Variants in SP3 observed in about 807,000 individuals in gnomAD.
SP3 encodes the protein transcription factor Sp3.
In SP3, 10 loss-of-function variants were observed where a neutral mutation model predicts 70.3. That is an observed-to-expected ratio of 0.14 (90% CI 0.09 to 0.24). The LOEUF (loss-of-function observed/expected upper bound fraction) is 0.24. Among genes scored for constraint, SP3 ranks in the 10% least tolerant of loss-of-function variants. SP3 has a pLI of 1.00. For missense variants in SP3, 825 were observed against 914.6 expected (o/e 0.90, Z 1.26); for synonymous variants, 402 against 333.5 (o/e 1.21, Z -2.24).
chr2:173,906,062 C>T lies in SP3; in HGVS notation c.*3879G>A, dbSNP rs183807402. Reference sequence around the variant, plus strand: ...TTTCTGGGGAGAAGGTGTAGGATTCCAAAAAGACTAGGAATCACTGACAAA... The same window carrying T: ...TTTCTGGGGAGAAGGTGTAGGATTCTAAAAAGACTAGGAATCACTGACAAA... On this transcript the variant is annotated 3_prime_UTR_variant, in exon 7 of 7. Transcript: ENST00000310015. Among the ~76,000 whole-genome samples the T allele has an allele frequency of 1.3e-5, 2 of 152,170 alleles. No homozygotes were observed. The highest frequency in any genetic ancestry group is 2.1e-4 in the South Asian group (1 of 4,816).
chr2:173,932,895 G>C (rs1690105449), intron 4 of SP3, among the ~76,000 whole-genome samples: 4 of 152,136 alleles, frequency 2.6e-5, no homozygotes, highest in Admixed American at 6.5e-5. Flanking sequence ...GGGAGGCTGA[G>C]GCAGGAGAAT....
chr2:173,920,284 G>T (rs1232752125), intron 4 of SP3, among the ~76,000 whole-genome samples: 1 of 152,076 alleles, frequency 6.6e-6, no homozygotes, highest in Non-Finnish European at 1.5e-5. Context: ...AGGGAGGGAT[G>T]AATAGGCACA....
At chr2:173,912,542 C>T (rs1220885098) in intron 6 of SP3, among the ~76,000 whole-genome samples, 1 of 152,200 alleles carries the variant, frequency 6.6e-6, no homozygotes, top group East Asian at 1.9e-4. Flanking sequence ...AGGTCCATTT[C>T]ATTTAACAAC....
At chr2:173,958,562 T>C (rs1690965759) in intron 3 of SP3, among the ~76,000 whole-genome samples, 1 of 149,414 alleles carries the variant, frequency 6.7e-6, no homozygotes, top group African/African-American at 2.5e-5. Flanking sequence ...TTAAAATACC[T>C]GTGAAGCACA....
intron 4 of SP3, among the ~76,000 whole-genome samples, chr2:173,928,161 A>G (rs969998582): frequency 6.6e-6 from 1 of 152,230 alleles, no homozygotes; most frequent in Non-Finnish European, 1.5e-5. Flanking sequence ...GTATATAAAC[A>G]TTAAATAAAT....
In SP3 at chr2:173,910,265, G is replaced by GA. The variant is rs750583077; in HGVS notation, c.2030-9dup. The GA allele has an allele frequency of 1.7e-5, 28 of 1,608,730 alleles. No homozygotes were observed. The highest frequency in any genetic ancestry group is 1.7e-4 in the Middle Eastern group (1 of 6,044). ...AAACAAATTTCTTCTCACCTGTTAA[G>GA]AAAAAAATTAAGTTACTTGGTTTTA... On this transcript the variant is annotated splice_polypyrimidine_tract_variant and intron_variant, in intron 6 of 6. Coordinates refer to ENST00000310015, the MANE Select transcript of SP3 (RefSeq NM_003111.5).
At chr2:173,958,110 G>A (rs1043038371) in intron 3 of SP3, among the ~76,000 whole-genome samples, 1 of 151,886 alleles carries the variant, frequency 6.6e-6, no homozygotes, top group Non-Finnish European at 1.5e-5. Flanking sequence ...CTCACCTGGA[G>A]GATCCACTGA....
chr2:173,923,754 CAAAT>C (rs916116826), intron 4 of SP3, among the ~76,000 whole-genome samples: 1 of 149,576 alleles, frequency 6.7e-6, no homozygotes, highest in African/African-American at 2.5e-5. Context: ...GATTCTAAAT[CAAAT>C]TTGATTTAGA....
chr2:173,941,300 AC>A (rs1245633115), intron 4 of SP3, among the ~76,000 whole-genome samples: 3 of 152,090 alleles, frequency 2.0e-5, no homozygotes, highest in Non-Finnish European at 4.4e-5. Context: ...CATCTTATGT[AC>A]CCTCCACAAT....
upstream of SP3, chr2:173,965,434 G>T: frequency 1.9e-6 from 1 of 519,926 alleles, no homozygotes. Context: ...CTCTTTGTCG[G>T]CTGTGCTCAT....
At chr2:173,933,325 A>C (rs1690118809) in intron 4 of SP3, among the ~76,000 whole-genome samples, 3 of 152,162 alleles carry the variant, frequency 2.0e-5, no homozygotes, top group African/African-American at 7.2e-5. Context: ...AATTCAGTCT[A>C]GCCACATTTC....
At chr2:173,921,154 G>A (rs552853961) in intron 4 of SP3, among the ~76,000 whole-genome samples, 70 of 152,116 alleles carry the variant, frequency 4.6e-4, no homozygotes, top group African/African-American at 1.2e-3. Context: ...ATATTTTAAC[G>A]TAATTTATAG....
At position 173,964,416 on chromosome 2, in the gene SP3, C is replaced by A; in HGVS notation, c.145G>T (p.Ala49Ser). ...CAGCCGCTCCTCACCTGGGCCGCCGCTGCCGCCGCCACCGCACCGTTTCCG... is the reference window on the plus strand; with the variant it reads ...CAGCCGCTCCTCACCTGGGCCGCCGATGCCGCCGCCACCGCACCGTTTCCG... ...QHGNGAVAAAAAAQDTQPSPL... is the reference protein window; with the variant it reads ...QHGNGAVAAASAAQDTQPSPL... The change falls in exon 2 of 7, where the codon GCG (alanine) becomes TCG (serine). Residue 49 changes from alanine to serine, a missense_variant. This residue lies in a region of SP3 where 678 missense variants were observed against 651.6 expected (regional missense o/e 1.04). Transcript: ENST00000310015. 1 of 726,562 alleles carries A rather than the reference C, an allele frequency of 1.4e-6. No individual in the cohort carries two copies. The highest frequency in any genetic ancestry group is 1.8e-5 in the Admixed American group (1 of 54,472). 45.0% of individuals were successfully genotyped at this position (726,562 alleles called of 1,614,324 possible).
intron 4 of SP3, 107 bp downstream of exon 4, chr2:173,954,766 C>T: frequency 1.1e-6 from 1 of 932,996 alleles, no homozygotes. Flanking sequence ...AAACATTGAT[C>T]ATTAATTCTA....
In SP3 at chr2:173,965,255, C is replaced by G; in HGVS notation, c.-84G>C. ...AAGGCGGCGGCGGCGGGAGAGGATGCGGGAAGCGGCGGCGGACACGGCCGG... is the reference window on the plus strand; with the variant it reads ...AAGGCGGCGGCGGCGGGAGAGGATGGGGGAAGCGGCGGCGGACACGGCCGG... On this transcript the variant is annotated 5_prime_UTR_variant, in exon 1 of 7. Transcript: ENST00000310015. 2 of 1,461,916 alleles carry G rather than the reference C, an allele frequency of 1.4e-6. No homozygotes were observed. The highest frequency in any genetic ancestry group is 1.9e-6 in the Non-Finnish European group (2 of 1,072,334). 90.6% of individuals were successfully genotyped at this position (1,461,916 alleles called of 1,614,324 possible).
At chr2:173,929,398 G>C (rs946098342) in intron 4 of SP3, among the ~76,000 whole-genome samples, 2 of 152,166 alleles carry the variant, frequency 1.3e-5, no homozygotes, top group African/African-American at 2.4e-5. Flanking sequence ...TCAAAGGACA[G>C]GATCTGCGCT....
In SP3 at chr2:173,964,494, C is replaced by CGCCGCCGCT. The variant is rs746562009; in HGVS notation, c.58_66dup (p.Ser20_Gly22dup). ...CCGTGGCCGCCGCCGCCGCCACCGC[C>CGCCGCCGCT]GCCGCCGCTATCCACGTCCAAGGCA... On this transcript the variant is annotated inframe_insertion, in exon 2 of 7. Coordinates refer to ENST00000310015, the MANE Select transcript of SP3 (RefSeq NM_003111.5). The CGCCGCCGCT allele has an allele frequency of 2.6e-5, 18 of 702,684 alleles. No individual in the cohort carries two copies. The highest frequency in any genetic ancestry group is 1.3e-4 in the African/African-American group (7 of 54,618). The allele number at this position is 702,684 out of a possible 1,614,324, so 43.5% of individuals were successfully genotyped here. A position where few individuals can be genotyped will look rare whatever the true frequency, so the allele number is the denominator to read the frequency against.
intron 5 of SP3, among the ~76,000 whole-genome samples, chr2:173,917,983 G>T: frequency 6.7e-6 from 1 of 148,816 alleles, no homozygotes. Flanking sequence ...ACATCAGTCT[G>T]GATCTTGTTT....
In SP3 at chr2:173,954,976, A is replaced by G; in HGVS notation, c.1536T>C (p.Ser512=). ...GATTTGGCAACTGACCAGTGCTTAG[A>G]CTAACTGGAGTTGAAGTGAAGGCTC... ...AGGAFTSTPV[S]LSTGQLPNLQ... is the part of the protein sequence containing the mutation. The change falls in exon 4 of 7, where the codon AGT becomes AGC. Residue 512 remains serine, a synonymous_variant. Transcript: ENST00000310015. 6.2e-7 allele frequency: 1 copy of G among 1,614,194 alleles called. No individual in the cohort carries two copies. The highest frequency in any genetic ancestry group is 1.7e-5 in the Admixed American group (1 of 60,026).
Sources: allele counts gnomAD v4.1 joint callset (sites outside exome capture counted in the v4.1 genomes callset), GRCh38; gene constraint gnomAD v4.1.1; regional missense constraint gnomAD v4.1.1; transcripts MANE v1.5; gene names NCBI Gene and HGNC (gene_info 2026-07-23, HGNC 2026-07-21).